The following MCFD2 variants were observed in gnomAD, a reference collection of about 807,000 sequenced individuals.
The protein encoded by MCFD2 is multiple coagulation factor deficiency protein 2.
A neutral mutation model predicts 12.8 loss-of-function variants in MCFD2; 11 were observed. The ratio of observed to expected loss-of-function variants is 0.86; its 90% CI spans 0.54 to 1.42. The LOEUF (loss-of-function observed/expected upper bound fraction) is 1.42. Ranked by LOEUF, MCFD2 falls within the 40% of genes most tolerant of loss-of-function variation. The probability of loss-of-function intolerance (pLI) is 0.00; values close to 1 mark genes in which losing one functional copy is unlikely to be tolerated. For synonymous variants in MCFD2, 70 were observed against 68.1 expected (o/e 1.03, Z -0.14); for missense variants, 191 against 178.6 (o/e 1.07, Z -0.40).
intron 3 of MCFD2, among the ~76,000 whole-genome samples, chr2:46,906,603 C>T (rs906513069): frequency 4.0e-5 from 6 of 148,224 alleles, no homozygotes; most frequent in Admixed American, 3.4e-4. Context: ...CTCCCCACTA[C>T]CCTCCCACCC....
At chr2:46,935,777 C>T (rs943614142) in intron 1 of MCFD2, among the ~76,000 whole-genome samples, 3 of 152,090 alleles carry the variant, frequency 2.0e-5, no homozygotes, top group African/African-American at 4.8e-5. Flanking sequence ...TTGTATTGGA[C>T]CCAAGCTCCA....
intron 1 of MCFD2, among the ~76,000 whole-genome samples, chr2:46,927,947 A>G (rs566682897): frequency 8.4e-6 from 1 of 118,900 alleles, no homozygotes; most frequent in East Asian, 2.6e-4. Context: ...AGGCTGGAGT[A>G]TAGTGGCACG....
chr2:46,931,095 TAGAC>T (rs532081374), intron 1 of MCFD2, among the ~76,000 whole-genome samples: 14 of 152,204 alleles, frequency 9.2e-5, no homozygotes, highest in Non-Finnish European at 1.5e-4. Flanking sequence ...ATCAATGTGA[TAGAC>T]AGAATAATGG....
intron 1 of MCFD2, among the ~76,000 whole-genome samples, chr2:46,928,120 C>T (rs906137682): frequency 3.3e-5 from 5 of 151,632 alleles, no homozygotes; most frequent in African/African-American, 1.2e-4. Flanking sequence ...TCTAACTCCT[C>T]GGCTCAGGTG....
At chr2:46,931,961 T>C (rs1669729294) in intron 1 of MCFD2, among the ~76,000 whole-genome samples, 1 of 152,092 alleles carries the variant, frequency 6.6e-6, no homozygotes, top group African/African-American at 2.4e-5. Flanking sequence ...CCTTTGAAAA[T>C]CAAAGTATTT....
chr2:46,910,493 C>T (rs1395200170), intron 1 of MCFD2, among the ~76,000 whole-genome samples: 1 of 152,226 alleles, frequency 6.6e-6, no homozygotes, highest in African/African-American at 2.4e-5. Context: ...CCATAAGGCA[C>T]TGGTCATCCC....
chr2:46,927,591 A>C (rs969124268), intron 1 of MCFD2, among the ~76,000 whole-genome samples: 5 of 151,856 alleles, frequency 3.3e-5, no homozygotes, highest in African/African-American at 1.2e-4. Flanking sequence ...CAATCTCCTG[A>C]CCTCGTGATC....
upstream of MCFD2, chr2:46,917,207 C>T (rs1382797047): frequency 1.4e-6 from 1 of 701,874 alleles, no homozygotes; most frequent in Non-Finnish European, 2.6e-6. Flanking sequence ...TGGTGCCCAG[C>T]TCGTCTCGAA....
upstream of MCFD2, among the ~76,000 whole-genome samples, chr2:46,919,106 G>A (rs1461072864): frequency 6.6e-6 from 1 of 152,130 alleles, no homozygotes; most frequent in Non-Finnish European, 1.5e-5. Flanking sequence ...CCTATGTAGG[G>A]GATTCCAGAG....
rs930053451 is a variant in MCFD2 at position 46,909,115 on chromosome 2, A to G, written c.57T>C (p.Phe19=). The change falls in exon 2 of 4, where the codon TTT becomes TTC. Residue 19 remains phenylalanine (F), a synonymous_variant. Transcript: ENST00000319466. The part of the protein sequence containing the change: ...TPFLCGLLWA[F]CAPGARAEEP... The stretch of plus-strand genomic sequence containing the variant: ...CCTCAGCCCTGGCGCCTGGGGCACA[A>G]AAGGCCCAGAGCAGGCCACACAGGA... The G allele has an allele frequency of 1.7e-5, 27 of 1,614,244 alleles. No homozygotes were observed. Among genetic ancestry groups the G allele is most frequent in the South Asian group, 2.2e-5 (2 of 91,088 alleles).
chr2:46,912,168 C>G (rs547438194), intron 1 of MCFD2, among the ~76,000 whole-genome samples: 1 of 151,796 alleles, frequency 6.6e-6, no homozygotes, highest in South Asian at 2.1e-4. Context: ...AAATGCGTCT[C>G]TACTAAAAAT....
chr2:46,931,621 A>G (rs1224071110), intron 1 of MCFD2, among the ~76,000 whole-genome samples: 1 of 152,144 alleles, frequency 6.6e-6, no homozygotes, highest in East Asian at 1.9e-4. Flanking sequence ...GTCGGCCTCT[A>G]GAACTGATCT....
At chr2:46,914,545 T>C (rs1668619980) in intron 1 of MCFD2, among the ~76,000 whole-genome samples, 1 of 152,322 alleles carries the variant, frequency 6.6e-6, no homozygotes, top group South Asian at 2.1e-4. Flanking sequence ...ACTTGATCTA[T>C]TTGTTCATCT....
chr2:46,941,759 G>A lies in MCFD2; in HGVS notation c.-195C>T. ...GGGAAGAGGCTGGCTCGCCGGCAGC[G>A]AGCGCGCGAAACGCACCGCCTCCTC... On this transcript the variant is annotated 5_prime_UTR_variant, in exon 1 of 3. Transcript: ENST00000409147. The surrounding 1 kb of genome is among the most constrained non-coding windows in gnomAD (Gnocchi z 4.2). 3 of 1,546,864 alleles carry A rather than the reference G, an allele frequency of 1.9e-6. No homozygotes were observed. The highest frequency in any genetic ancestry group is 2.6e-6 in the Non-Finnish European group (3 of 1,145,612).
rs544277092 is a variant in MCFD2, at chr2:46,935,037, G to A, written c.-8+6535C>T. ...GATGGTCTTGATATCTTGACCTCGTGATCCACCCACCTCGGCCTCCCAAAG... is the reference window on the plus strand; with the variant it reads ...GATGGTCTTGATATCTTGACCTCGTAATCCACCCACCTCGGCCTCCCAAAG... On this transcript the variant is annotated intron_variant, in intron 1 of 2. Coordinates refer to the MCFD2 transcript ENST00000409147. Among the ~76,000 whole-genome samples the A allele has an allele frequency of 1.7e-4, 26 of 151,998 alleles. No individual in the cohort carries two copies. The East Asian group carries it at 5.0e-3, about 29-fold the overall frequency.
chr2:46,935,331 T>C (rs1174131506), intron 1 of MCFD2, among the ~76,000 whole-genome samples: 1 of 152,134 alleles, frequency 6.6e-6, no homozygotes, highest in Non-Finnish European at 1.5e-5. Context: ...TGTTGTATCA[T>C]GATCCTTGCC....
intron 1 of MCFD2, among the ~76,000 whole-genome samples, chr2:46,931,325 A>G (rs936494690): frequency 3.9e-5 from 6 of 152,350 alleles, no homozygotes; most frequent in South Asian, 2.1e-4. Flanking sequence ...GCCTCAAGCA[A>G]TCCTCTCGCC....
upstream of MCFD2, among the ~76,000 whole-genome samples, chr2:46,918,035 G>A (rs1668905919): frequency 6.6e-6 from 1 of 152,146 alleles, no homozygotes; most frequent in African/African-American, 2.4e-5. Context: ...ATAAATAGAT[G>A]ACTCCAAAAT....
intron 1 of MCFD2, among the ~76,000 whole-genome samples, chr2:46,926,090 C>T (rs2103820958): frequency 6.6e-6 from 1 of 152,274 alleles, no homozygotes; most frequent in Admixed American, 6.5e-5. Context: ...TGCTTCCCAC[C>T]CTGCCCCCTC....
Sources: allele counts gnomAD v4.1 joint callset (sites outside exome capture counted in the v4.1 genomes callset), GRCh38; gene constraint gnomAD v4.1.1; non-coding constraint Gnocchi (gnomAD v3.1); transcripts MANE v1.5; gene names NCBI Gene and HGNC (gene_info 2026-07-23, HGNC 2026-07-21).